The following MAP3K13 variants were observed in gnomAD, a reference collection of about 807,000 sequenced individuals.
MAP3K13 encodes leucine zipper-bearing kinase.
MAP3K13 carries 52 observed loss-of-function variants against 104.0 expected under a neutral mutation model. The observed-to-expected ratio is 0.50, with a 90% CI of 0.40 to 0.63. The LOEUF (loss-of-function observed/expected upper bound fraction) is 0.63, where lower values mean the gene tolerates loss of function less well. Among genes scored for constraint, MAP3K13 ranks in the 20% least tolerant of loss-of-function variants. The pLI, the probability that MAP3K13 is intolerant of heterozygous loss-of-function variation, is 0.00. For synonymous variants in MAP3K13, 394 were observed against 442.2 expected, an observed-to-expected ratio of 0.89 and a Z score of 1.37; for missense variants, 914 against 1,218.5, an observed-to-expected ratio of 0.75 and a Z score of 3.72.
In MAP3K13 at chr3:185,379,660, G is replaced by A. The variant is rs1296499577; in HGVS notation, c.-86+16292G>A. On this transcript the variant is annotated intron_variant, in intron 1 of 13. Transcript: ENST00000265026. ...CAGGCTTTGTGTGAGCCACAAGGCT[G>A]TTTATTTCACCTGGTGCAGGCGGGC... Among the ~76,000 whole-genome samples the A allele has an allele frequency of 2.0e-5, 3 of 152,232 alleles. No individual in the cohort carries two copies. In the East Asian group the frequency reaches 5.8e-4, roughly 29 times the overall value.
chr3:185,421,821 G>A (rs9828406), intron 1 of MAP3K13, among the ~76,000 whole-genome samples: 58,042 of 151,868 alleles, frequency 0.38, 11,521 homozygotes, highest in East Asian at 0.54. Context: ...GTGTGGGTGT[G>A]CATACAAACA....
At chr3:185,307,546 C>CCCCCCCCCCCCCCCCCCCCCCG (rs58408265) in intron 2 of MAP3K13, among the ~76,000 whole-genome samples, 1 of 103,978 alleles carries the variant, frequency 9.6e-6, no homozygotes. Context: ...GCACCACCCC[C>CCCCCCCCCCCCCCCCCCCCCCG]TCCCCCGCCA....
upstream of MAP3K13, among the ~76,000 whole-genome samples, chr3:185,359,030 G>T (rs367621812): frequency 6.6e-6 from 1 of 152,154 alleles, no homozygotes; most frequent in Non-Finnish European, 1.5e-5. Context: ...TTCCTGAAAA[G>T]ATTTTGTATT....
At chr3:185,428,215 T>G (rs747682015) in intron 1 of MAP3K13, among the ~76,000 whole-genome samples, 2 of 152,322 alleles carry the variant, frequency 1.3e-5, no homozygotes, top group Non-Finnish European at 2.9e-5. Context: ...TTCCTTGAAG[T>G]CTTTTTTCTT....
At chr3:185,475,146 C>A (rs1371203023) in intron 11 of MAP3K13, among the ~76,000 whole-genome samples, 1 of 151,126 alleles carries the variant, frequency 6.6e-6, no homozygotes, top group Non-Finnish European at 1.5e-5. Flanking sequence ...CTCTATGGAC[C>A]TCAGTTTCCT....
chr3:185,435,169 A>ATTT (rs35103398), intron 2 of MAP3K13, among the ~76,000 whole-genome samples: 306 of 140,984 alleles, frequency 2.2e-3, no homozygotes, highest in African/African-American at 7.4e-3. Flanking sequence ...ATGCCTGGCT[A>ATTT]TTTTTTTTTT....
At chr3:185,299,136 T>C (rs1306813249) in intron 2 of MAP3K13, among the ~76,000 whole-genome samples, 1 of 152,182 alleles carries the variant, frequency 6.6e-6, no homozygotes, top group African/African-American at 2.4e-5. Context: ...CACAAAGTCA[T>C]GATGCTTCTT....
chr3:185,400,210 G>C (rs13059776), intron 1 of MAP3K13, among the ~76,000 whole-genome samples: 1 of 151,966 alleles, frequency 6.6e-6, no homozygotes, highest in Non-Finnish European at 1.5e-5. Flanking sequence ...ATGTTTGTGC[G>C]TCTCCCCAAA....
At chr3:185,378,458 G>A (rs1266141434) in intron 1 of MAP3K13, among the ~76,000 whole-genome samples, 1 of 152,152 alleles carries the variant, frequency 6.6e-6, no homozygotes, top group African/African-American at 2.4e-5. Context: ...CCTTTAAAGA[G>A]GAAATTGCTG....
intron 2 of MAP3K13, among the ~76,000 whole-genome samples, chr3:185,333,747 T>C (rs1388621286): frequency 6.6e-6 from 1 of 151,678 alleles, no homozygotes; most frequent in Non-Finnish European, 1.5e-5. Flanking sequence ...AAATTAAAAA[T>C]ATGAAAAAAA....
chr3:185,432,361 T>C (rs1221206716), intron 2 of MAP3K13, among the ~76,000 whole-genome samples: 1 of 151,982 alleles, frequency 6.6e-6, no homozygotes, highest in African/African-American at 2.4e-5. Context: ...TGGCTAATTT[T>C]TGTGTTTTTA....
intron 2 of MAP3K13, among the ~76,000 whole-genome samples, chr3:185,331,253 C>A (rs1326210314): frequency 6.6e-6 from 1 of 151,874 alleles, no homozygotes; most frequent in African/African-American, 2.4e-5. Flanking sequence ...GCCACCATGC[C>A]CAGCTAATTT....
chr3:185,468,439 C>A (rs926049031), intron 10 of MAP3K13, among the ~76,000 whole-genome samples: 1 of 152,136 alleles, frequency 6.6e-6, no homozygotes, highest in Non-Finnish European at 1.5e-5. Context: ...TCTTGGAATT[C>A]TCTTCCTCTC....
At position 185,450,234 on chromosome 3, in the gene MAP3K13, T is replaced by C. The variant is rs1411674421; in HGVS notation, c.1169+176T>C. Among the ~76,000 whole-genome samples the C allele has an allele frequency of 6.6e-6, 1 of 152,192 alleles. No homozygotes were observed. The highest frequency in any genetic ancestry group is 1.5e-5 in the Non-Finnish European group (1 of 68,030). The stretch of plus-strand genomic sequence containing the variant: ...CGTTATTCAATATCAGTTTTCTCAT[T>C]TGTAAAATAGAGACAACACTGACTC... On this transcript the variant is annotated intron_variant, in intron 6 of 13. Transcript: ENST00000265026. This position sits in a 1 kb window ranked among gnomAD's most constrained non-coding sequence, Gnocchi z 4.2.
intron 2 of MAP3K13, among the ~76,000 whole-genome samples, chr3:185,308,728 T>C (rs1721393027): frequency 6.6e-6 from 1 of 152,196 alleles, no homozygotes; most frequent in African/African-American, 2.4e-5. Flanking sequence ...GCTAGAACTT[T>C]GGATGCACAT....
Position 185,309,802 on chromosome 3 carries a change from G to A in MAP3K13, c.-86+24159G>A, listed in dbSNP as rs141645314. ...TACTATTTTGTATTTAGTGTGATCC[G>A]TGGGATACTGGAGGGTTTTTGTTTT... is the stretch of plus-strand genomic sequence containing the variant. On this transcript the variant is annotated intron_variant, in intron 2 of 14. Transcript: ENST00000424227. Among the ~76,000 whole-genome samples, 415 of 152,234 alleles carry A rather than the reference G, an allele frequency of 2.7e-3. 3 individuals are homozygous for A. Among genetic ancestry groups the A allele is most frequent in the African/African-American group, 9.5e-3 (394 of 41,522 alleles).
In MAP3K13 at chr3:185,467,080, ATACTCAG is replaced by A. The variant is rs72524011; in HGVS notation, c.1643+123_1643+129del. 2,289 of 1,142,840 alleles carry A rather than the reference ATACTCAG, an allele frequency of 2.0e-3. 30 individuals carry two copies. In the African/African-American group the frequency reaches 0.031, roughly 16 times the overall value. The allele number at this position is 1,142,840 out of a possible 1,614,324, so 70.8% of individuals were successfully genotyped here. A position where few individuals can be genotyped will look rare whatever the true frequency, so the allele number is the denominator to read the frequency against. The stretch of plus-strand genomic sequence containing the variant: ...TTTAGCTCATCAGATGACTGTAGAG[ATACTCAG>A]TACTCTAGGTAAAACAGAGTAAGAA... On this transcript the variant is annotated intron_variant, in intron 10 of 13. Transcript: ENST00000265026.
intron 8 of MAP3K13, among the ~76,000 whole-genome samples, chr3:185,464,210 C>T (rs1717277637): frequency 6.6e-6 from 1 of 152,146 alleles, no homozygotes; most frequent in South Asian, 2.1e-4. Context: ...ATCACGTGAA[C>T]CCAGGAGATG....
At chr3:185,353,162 G>A (rs536481066) in intron 2 of MAP3K13, among the ~76,000 whole-genome samples, 14 of 152,250 alleles carry the variant, frequency 9.2e-5, no homozygotes, top group African/African-American at 3.1e-4. Context: ...CTTCATCAGT[G>A]TTTATAGTAA....
Sources: allele counts gnomAD v4.1 joint callset (sites outside exome capture counted in the v4.1 genomes callset), GRCh38; gene constraint gnomAD v4.1.1; non-coding constraint Gnocchi (gnomAD v3.1); transcripts MANE v1.5; gene names NCBI Gene and HGNC (gene_info 2026-07-23, HGNC 2026-07-21).